Variants in NCOA2 observed in about 807,000 individuals in gnomAD.
The protein encoded by NCOA2 is class E basic helix-loop-helix protein 75.
Under a neutral mutation model 145.1 loss-of-function variants are expected in NCOA2, and 21 were observed. The ratio of observed to expected loss-of-function variants is 0.14; its 90% confidence interval spans 0.10 to 0.21. NCOA2 has a LOEUF of 0.21. Ranked by LOEUF, NCOA2 falls within the 10% of genes least tolerant of loss-of-function variation. The probability of loss-of-function intolerance (pLI) is 1.00; values close to 1 mark genes in which losing one functional copy is unlikely to be tolerated. For missense variants in NCOA2, 1,472 were observed against 1,837.6 expected, an observed-to-expected ratio of 0.80 and a Z score of 3.64; for synonymous variants, 619 against 637.5, an observed-to-expected ratio of 0.97 and a Z score of 0.44.
chr8:70,301,482 C>T (rs1827480888), intron 1 of NCOA2, among the ~76,000 whole-genome samples: 1 of 151,398 alleles, frequency 6.6e-6, no homozygotes, highest in African/African-American at 2.4e-5. Context: ...AGGTAAAACC[C>T]CGTCTCCAAA....
In NCOA2 at chr8:70,398,553, A is replaced by G. The variant is rs530881538; in HGVS notation, c.-77+5147T>C. On this transcript the variant is annotated intron_variant, in intron 1 of 22. Transcript: ENST00000452400. Reference sequence around the variant, plus strand: ...AACAATTCGGAACTGGCTGCCTACAAAGCATAAATTCTGCCAGAATTAACA... The same window carrying G: ...AACAATTCGGAACTGGCTGCCTACAGAGCATAAATTCTGCCAGAATTAACA... Among the ~76,000 whole-genome samples, 4 of 152,332 alleles carry G rather than the reference A, an allele frequency of 2.6e-5. No homozygotes were observed. In the East Asian group the frequency reaches 7.7e-4, roughly 29 times the overall value.
chr8:70,273,765 A>G (rs1014738582), intron 2 of NCOA2: 28 of 596,976 alleles, frequency 4.7e-5, no homozygotes, highest in Admixed American at 1.7e-4. Flanking sequence ...ACCACTTACT[A>G]CTGGAGAGAA....
intron 1 of NCOA2, among the ~76,000 whole-genome samples, chr8:70,371,943 G>T (rs73684287): frequency 0.027 from 4,017 of 148,516 alleles, 164 homozygotes; most frequent in African/African-American, 0.094. Context: ...AAACTCATTA[G>T]TTTAAAAACT....
intron 21 of NCOA2, 184 bp downstream of exon 21, chr8:70,123,700 T>C (rs2131386298): frequency 2.2e-6 from 1 of 446,958 alleles, no homozygotes; most frequent in African/African-American, 2.0e-5. Context: ...CCTTTCTGTT[T>C]ATTTAATCAT....
At chr8:70,272,790 C>A (rs190627915) in intron 2 of NCOA2, among the ~76,000 whole-genome samples, 2 of 152,164 alleles carry the variant, frequency 1.3e-5, no homozygotes, top group East Asian at 1.9e-4. Context: ...AATAAAAATT[C>A]TCTTTAAAGA....
intron 1 of NCOA2, among the ~76,000 whole-genome samples, chr8:70,327,514 T>A (rs1806700201): frequency 6.6e-6 from 1 of 152,162 alleles, no homozygotes; most frequent in African/African-American, 2.4e-5. Flanking sequence ...AACTCTTCAA[T>A]CCACCTTCTA....
chr8:70,428,349 A>G, the NCOA2 span, among the ~76,000 whole-genome samples: 1 of 151,828 alleles, frequency 6.6e-6, no homozygotes, highest in Non-Finnish European at 1.5e-5. Context: ...AATTTCAGCT[A>G]CTCCAGAGGC....
chr8:70,351,592 T>C (rs887493420), intron 1 of NCOA2, among the ~76,000 whole-genome samples: 2 of 149,856 alleles, frequency 1.3e-5, no homozygotes, highest in African/African-American at 2.5e-5. Flanking sequence ...TTTCTTTTTT[T>C]CCTTTTTTTT....
chr8:70,261,885 A>C (rs931116076), intron 2 of NCOA2, among the ~76,000 whole-genome samples: 2 of 152,122 alleles, frequency 1.3e-5, no homozygotes, highest in African/African-American at 2.4e-5. Context: ...AAATTTTAAA[A>C]AGTACAAAAT....
At position 70,392,213 on chromosome 8, in the gene NCOA2, A is replaced by AT. The variant is rs537782499; in HGVS notation, c.-77+11486dup. On this transcript the variant is annotated intron_variant, in intron 1 of 22. Transcript: ENST00000452400. ...GAACTGAAAACAAGAACACACTGAA[A>AT]TAACAGTATTTAGCCTCTCATTCTA... Among the ~76,000 whole-genome samples the AT allele has an allele frequency of 1.1e-4, 16 of 152,344 alleles. No individual in the cohort carries two copies. The East Asian group carries it at 3.1e-3, about 29-fold the overall frequency.
the NCOA2 span, among the ~76,000 whole-genome samples, chr8:70,449,763 A>G: frequency 6.6e-6 from 1 of 152,252 alleles, no homozygotes; most frequent in Non-Finnish European, 1.5e-5. Flanking sequence ...GGCAGATCCA[A>G]GACGTTCACA....
intron 1 of NCOA2, among the ~76,000 whole-genome samples, chr8:70,372,945 T>A (rs1188957047): frequency 6.6e-6 from 1 of 152,244 alleles, no homozygotes; most frequent in Admixed American, 6.5e-5. Flanking sequence ...TATCACTAGT[T>A]TGTTCTTTTT....
chr8:70,161,975 T>C (rs539637566), intron 9 of NCOA2, among the ~76,000 whole-genome samples: 13 of 152,184 alleles, frequency 8.5e-5, no homozygotes, highest in African/African-American at 2.9e-4. Flanking sequence ...GGAAGCAGCA[T>C]GACAGTGACC....
At chr8:70,208,476 G>A (rs1035505000) in intron 4 of NCOA2, among the ~76,000 whole-genome samples, 2 of 152,224 alleles carry the variant, frequency 1.3e-5, no homozygotes. Context: ...CTAAGCAATA[G>A]ATTTTCAATG....
chr8:70,159,656 C>T lies in NCOA2; in HGVS notation c.977-4G>A. The T allele has an allele frequency of 6.2e-7, 1 of 1,604,346 alleles. No homozygotes were observed. The highest frequency in any genetic ancestry group is 1.7e-5 in the Admixed American group (1 of 59,718). Reference sequence around the variant, plus strand: ...AATGCCAATCCTTGTCTCAGTACTGCAGGCAAGCAAGGAAACAGAAGGCAC... The same window carrying T: ...AATGCCAATCCTTGTCTCAGTACTGTAGGCAAGCAAGGAAACAGAAGGCAC... On this transcript the variant is annotated splice_region_variant and splice_polypyrimidine_tract_variant and intron_variant, in intron 9 of 22. Transcript: ENST00000452400.
the NCOA2 span, among the ~76,000 whole-genome samples, chr8:70,430,089 G>T: frequency 1.3e-5 from 2 of 152,158 alleles, no homozygotes. Context: ...TTGGGCTCGA[G>T]TGATCCTCCC....
the NCOA2 span, among the ~76,000 whole-genome samples, chr8:70,455,864 T>A: frequency 3.9e-5 from 6 of 152,286 alleles, no homozygotes; most frequent in East Asian, 9.6e-4. Context: ...TTACTAAAAT[T>A]CTATTTGAGA....
intron 1 of NCOA2, among the ~76,000 whole-genome samples, chr8:70,375,246 G>A (rs1053205918): frequency 2.0e-5 from 3 of 152,210 alleles, no homozygotes; most frequent in Non-Finnish European, 4.4e-5. Context: ...GCATATGCGT[G>A]TTTGTGTGCT....
intron 15 of NCOA2, among the ~76,000 whole-genome samples, chr8:70,136,040 A>C (rs1809684669): frequency 6.6e-6 from 1 of 152,236 alleles, no homozygotes; most frequent in South Asian, 2.1e-4. Flanking sequence ...AAGAAACCTT[A>C]CTTAGAGATA....
Sources: gnomAD v4.1 joint callset for allele counts (sites outside exome capture counted in the v4.1 genomes callset) on GRCh38, gnomAD v4.1.1 for gene constraint, MANE v1.5 for transcripts, NCBI Gene and HGNC (gene_info 2026-07-23, HGNC 2026-07-21) for gene names.